The following PLCL1 variants were observed in gnomAD, a reference collection of about 807,000 sequenced individuals.
PLCL1 encodes the protein inactive phospholipase C-like protein 1.
Under a neutral mutation model 84.4 loss-of-function variants are expected in PLCL1, and 41 were observed. That is an observed-to-expected ratio of 0.49 (90% CI 0.38 to 0.63). The LOEUF is 0.63. PLCL1 is among the 30% of genes least tolerant of loss of function. PLCL1 has a pLI of 0.00. For missense variants in PLCL1, 1,206 were observed against 1,367.8 expected (o/e 0.88, Z 1.87); for synonymous variants, 490 against 488.3 (o/e 1.00, Z -0.05).
chr2:197,903,408 G>A (rs1688305773), intron 1 of PLCL1, among the ~76,000 whole-genome samples: 2 of 148,952 alleles, frequency 1.3e-5, no homozygotes, highest in Non-Finnish European at 3.0e-5. Flanking sequence ...TCTGGCTAAA[G>A]GTTACACAGT....
At chr2:197,988,989 A>G (rs1249128878) in intron 1 of PLCL1, among the ~76,000 whole-genome samples, 1 of 152,246 alleles carries the variant, frequency 6.6e-6, no homozygotes, top group Non-Finnish European at 1.5e-5. Context: ...TGGATTATAT[A>G]GTTCAAACCC....
intron 1 of PLCL1, among the ~76,000 whole-genome samples, chr2:197,902,178 C>T (rs981465966): frequency 3.9e-5 from 6 of 152,096 alleles, no homozygotes; most frequent in Non-Finnish European, 7.4e-5. Context: ...TTCTGCATTA[C>T]GACCCTTTTG....
intron 1 of PLCL1, among the ~76,000 whole-genome samples, chr2:197,920,586 CAT>C (rs1463017664): frequency 6.6e-6 from 1 of 152,118 alleles, no homozygotes; most frequent in Non-Finnish European, 1.5e-5. Flanking sequence ...TATATAATAA[CAT>C]ATGCAAAAGT....
At chr2:197,953,219 G>A (rs562738645) in intron 1 of PLCL1, among the ~76,000 whole-genome samples, 1 of 152,194 alleles carries the variant, frequency 6.6e-6, no homozygotes, top group South Asian at 2.1e-4. Flanking sequence ...AGCTTCTTTT[G>A]TCTATATAAT....
At chr2:197,850,247 A>G (rs1687208952) in intron 1 of PLCL1, among the ~76,000 whole-genome samples, 1 of 152,132 alleles carries the variant, frequency 6.6e-6, no homozygotes, top group Admixed American at 6.5e-5. Flanking sequence ...TAAGGAATTG[A>G]TCTCATTTTC....
intron 1 of PLCL1, among the ~76,000 whole-genome samples, chr2:197,849,674 T>G (rs1687189061): frequency 6.6e-6 from 1 of 152,190 alleles, no homozygotes. Flanking sequence ...AATGTTTTTT[T>G]TCTTGAAATA....
intron 1 of PLCL1, among the ~76,000 whole-genome samples, chr2:197,996,022 T>C (rs1265445955): frequency 6.6e-6 from 1 of 152,164 alleles, no homozygotes; most frequent in African/African-American, 2.4e-5. Flanking sequence ...GCAAGGTTTA[T>C]GCCTGCAGCG....
In PLCL1 at chr2:198,043,210, A is replaced by G. The variant is rs186512348; in HGVS notation, c.241-40548A>G. On this transcript the variant is annotated intron_variant, in intron 1 of 5. Coordinates refer to ENST00000428675, the MANE Select transcript of PLCL1 (RefSeq NM_006226.4). ...GTGAAAACTGGGAGGAAAGAATTTC[A>G]TGGAAAGGCCCAACATTTAAATGGA... Among the ~76,000 whole-genome samples the G allele has an allele frequency of 2.0e-3, 298 of 152,334 alleles. 1 individual carries two copies. Among genetic ancestry groups the G allele is most frequent in the African/African-American group, 6.7e-3 (278 of 41,578 alleles).
intron 1 of PLCL1, among the ~76,000 whole-genome samples, chr2:197,995,007 A>G (rs1292684338): frequency 1.3e-5 from 2 of 152,134 alleles, no homozygotes; most frequent in Non-Finnish European, 2.9e-5. Flanking sequence ...TGCTTGCCCC[A>G]TAAGTTTTGG....
At chr2:198,016,702 G>C (rs1691008229) in intron 1 of PLCL1, among the ~76,000 whole-genome samples, 1 of 152,156 alleles carries the variant, frequency 6.6e-6, no homozygotes, top group Admixed American at 6.5e-5. Flanking sequence ...AGTCTGTTTT[G>C]CTTATTACTT....
intron 1 of PLCL1, among the ~76,000 whole-genome samples, chr2:197,857,842 A>G (rs1051952208): frequency 2.0e-5 from 3 of 152,166 alleles, no homozygotes; most frequent in Admixed American, 6.6e-5. Flanking sequence ...GCAGCACTCA[A>G]TGTTTCTGGA....
At chr2:198,095,533 G>T (rs1693170441) in intron 3 of PLCL1, among the ~76,000 whole-genome samples, 1 of 152,088 alleles carries the variant, frequency 6.6e-6, no homozygotes, top group African/African-American at 2.4e-5. Flanking sequence ...CTTTTAATGT[G>T]CAAGCCACTG....
intron 1 of PLCL1, among the ~76,000 whole-genome samples, chr2:197,939,512 G>A (rs1261000651): frequency 1.3e-5 from 2 of 152,032 alleles, no homozygotes; most frequent in Non-Finnish European, 2.9e-5. Flanking sequence ...TTTCTTCTGA[G>A]GCTTCTCTTC....
intron 1 of PLCL1, among the ~76,000 whole-genome samples, chr2:197,834,533 C>T (rs1365043754): frequency 6.6e-6 from 1 of 152,142 alleles, no homozygotes; most frequent in Non-Finnish European, 1.5e-5. Context: ...ATGTGGCCAA[C>T]AAACATACGA....
intron 1 of PLCL1, among the ~76,000 whole-genome samples, chr2:197,872,133 C>T (rs1687660171): frequency 6.6e-6 from 1 of 152,050 alleles, no homozygotes; most frequent in Non-Finnish European, 1.5e-5. Context: ...AGCCAGTTGA[C>T]CTGAAATAAT....
chr2:198,096,373 C>T (rs1487756631), intron 3 of PLCL1, among the ~76,000 whole-genome samples: 2 of 152,190 alleles, frequency 1.3e-5, no homozygotes, highest in East Asian at 3.9e-4. Context: ...TATTATCTGA[C>T]TTTATATACT....
chr2:197,983,375 G>A (rs549630569), intron 1 of PLCL1, among the ~76,000 whole-genome samples: 3 of 151,550 alleles, frequency 2.0e-5, no homozygotes, highest in African/African-American at 7.2e-5. Context: ...GACCACAGGC[G>A]TGTACCACCA....
intron 1 of PLCL1, among the ~76,000 whole-genome samples, chr2:197,978,946 C>T (rs187145851): frequency 6.6e-5 from 10 of 152,316 alleles, no homozygotes; most frequent in Middle Eastern, 6.8e-3. Flanking sequence ...GTCTGGGAAT[C>T]GGTTTTTGTT....
intron 1 of PLCL1, among the ~76,000 whole-genome samples, chr2:197,942,628 A>G (rs1689182137): frequency 6.6e-6 from 1 of 152,250 alleles, no homozygotes; most frequent in Non-Finnish European, 1.5e-5. Flanking sequence ...AATTTGAAAT[A>G]CACAAGGGAC....
Sources: gnomAD v4.1 joint callset for allele counts (sites outside exome capture counted in the v4.1 genomes callset) on GRCh38, gnomAD v4.1.1 for gene constraint, MANE v1.5 for transcripts, NCBI Gene and HGNC (gene_info 2026-07-23, HGNC 2026-07-21) for gene names.